CCDC158: variants seen among roughly 807,000 people sequenced by gnomAD.
CCDC158 encodes coiled-coil domain containing 158, also known as coiled-coil domain-containing protein 158.
A neutral mutation model predicts 138.6 loss-of-function variants in CCDC158; 116 were observed. The observed-to-expected ratio is 0.84, with a 90% CI of 0.72 to 0.98. CCDC158 has a LOEUF of 0.98. Among genes scored for constraint, CCDC158 ranks in the 50% least tolerant of loss-of-function variants. The pLI is 0.00. For missense variants in CCDC158, 1,265 were observed against 1,306.1 expected, an observed-to-expected ratio of 0.97 and a Z score of 0.48; for synonymous variants, 436 against 442.4, an observed-to-expected ratio of 0.99 and a Z score of 0.18.
Position 76,384,299 on chromosome 4 carries a change from A to G in CCDC158, c.515T>C (p.Ile172Thr), listed in dbSNP as rs1437378958. ...EDMLKDSNTQIEQLRKMMLSH... is the reference protein window; with the variant it reads ...EDMLKDSNTQTEQLRKMMLSH... ...AAGCATCATTTTTCGTAGTTGCTCT[A>G]TCTGTGTGTTGCTGTCTTTCAGCAT... is the stretch of plus-strand genomic sequence containing the variant. Residue 172 changes from isoleucine (I) to threonine (T), a missense_variant, in exon 6 of 25, where the codon ATA (isoleucine) becomes ACA (threonine). Physicochemically the swap from Ile to Thr is moderately conservative, Grantham distance 89 (BLOSUM62 -1). Coordinates refer to ENST00000682701, the MANE Select transcript of CCDC158 (RefSeq NM_001394954.1). The G allele has an allele frequency of 3.1e-6, 5 of 1,613,966 alleles. No individual in the cohort carries two copies. Among genetic ancestry groups the G allele is most frequent in the East Asian group, 2.2e-5 (1 of 44,882 alleles).
Position 76,367,480 on chromosome 4 carries a change from T to C in CCDC158, c.1644A>G (p.Thr548=). 1.9e-6 allele frequency: 3 copies of C among 1,614,274 alleles called. No homozygotes were observed. The highest frequency in any genetic ancestry group is 2.5e-6 in the Non-Finnish European group (3 of 1,180,050). Reference sequence around the variant, plus strand: ...TCTGCAGTTTGAGGGCCTCACATTCTGTCTGCACATTTCTGAGATGATCCC... The same window carrying C: ...TCTGCAGTTTGAGGGCCTCACATTCCGTCTGCACATTTCTGAGATGATCCC... ...NEGDHLRNVQ[T]ECEALKLQMT... is the part of the protein sequence containing the mutation. The change falls in exon 12 of 25, where the codon ACA becomes ACG. Residue 548 remains threonine, a synonymous_variant. Transcript: ENST00000682701.
chr4:76,343,616 C>T (rs1460029971), intron 18 of CCDC158, among the ~76,000 whole-genome samples: 3 of 152,272 alleles, frequency 2.0e-5, no homozygotes, highest in Non-Finnish European at 2.9e-5. Flanking sequence ...GCCTGGCCAA[C>T]ATGGCAAAAC....
intron 4 of CCDC158, among the ~76,000 whole-genome samples, chr4:76,388,933 A>G (rs1334533499): frequency 6.6e-6 from 1 of 152,104 alleles, no homozygotes; most frequent in Non-Finnish European, 1.5e-5. Flanking sequence ...GTCTGCAAAA[A>G]CCATAGCATT....
At chr4:76,401,582 GT>G in intron 3 of CCDC158, 1 of 164,194 alleles carries the variant, frequency 6.1e-6, no homozygotes, top group Non-Finnish European at 1.3e-5. Flanking sequence ...GTCATCTTTT[GT>G]TTTATTATGA....
intron 1 of CCDC158, among the ~76,000 whole-genome samples, chr4:76,414,924 A>T (rs1463021974): frequency 6.6e-6 from 1 of 152,202 alleles, no homozygotes; most frequent in African/African-American, 2.4e-5. Flanking sequence ...TGCTGAAAAG[A>T]TACCAGAAAA....
intron 1 of CCDC158, among the ~76,000 whole-genome samples, chr4:76,420,121 G>A (rs970904711): frequency 1.3e-5 from 2 of 151,846 alleles, no homozygotes; most frequent in Admixed American, 6.6e-5. Context: ...AAAGCAATGA[G>A]CGCAGTACAG....
At chr4:76,327,305 ATTATT>A (rs1720616893) in intron 22 of CCDC158, among the ~76,000 whole-genome samples, 1 of 152,202 alleles carries the variant, frequency 6.6e-6, no homozygotes, top group Non-Finnish European at 1.5e-5. Context: ...AGAATTTGCA[ATTATT>A]TTATTTAAGA....
rs149033268 is a variant in CCDC158, at chr4:76,399,391, G to A, written c.71-2905C>T. 4.7e-4 allele frequency among the ~76,000 whole-genome samples: 71 copies of A among 152,052 alleles called. 1 individual carries two copies. The highest frequency in any genetic ancestry group is 1.7e-3 in the African/African-American group (71 of 41,470). On this transcript the variant is annotated intron_variant, in intron 3 of 24. Transcript: ENST00000682701. ...ACCTAGGTGATGGGTTGATAGGTGC[G>A]GCAAACCACGATGGCACACATTTAC...
chr4:76,362,086 ACT>A lies in CCDC158; in HGVS notation c.2020+38_2020+39del, dbSNP rs752597379. ...GGTCTACATTGGCTTCACTGCTAAG[ACT>A]CTTATTTTTTAGTAGGATTTGTGCT... On this transcript the variant is annotated intron_variant, in intron 13 of 24. Transcript: ENST00000682701. 8 of 1,573,256 alleles carry A rather than the reference ACT, an allele frequency of 5.1e-6. No homozygotes were observed. The East Asian group carries it at 1.8e-4, about 35-fold the overall frequency.
chr4:76,325,163 C>T (rs908205586), intron 23 of CCDC158, among the ~76,000 whole-genome samples: 1 of 152,100 alleles, frequency 6.6e-6, no homozygotes, highest in Non-Finnish European at 1.5e-5. Flanking sequence ...AATGTACTAA[C>T]ATGTGATTAG....
intron 18 of CCDC158, among the ~76,000 whole-genome samples, chr4:76,340,092 T>C (rs1449423385): frequency 1.3e-5 from 2 of 152,198 alleles, no homozygotes; most frequent in East Asian, 3.9e-4. Context: ...ATATTCAACT[T>C]GCTCAACAAA....
intron 13 of CCDC158, 31 bp downstream of exon 13, chr4:76,362,095 T>C: frequency 6.3e-7 from 1 of 1,597,606 alleles, no homozygotes; most frequent in Admixed American, 1.7e-5. Context: ...GACTCTTATT[T>C]TTTAGTAGGA....
chr4:76,342,874 A>G (rs1722187450), intron 18 of CCDC158, among the ~76,000 whole-genome samples: 1 of 152,206 alleles, frequency 6.6e-6, no homozygotes, highest in Admixed American at 6.5e-5. Context: ...ACGAATTGGA[A>G]GTCTCATGTA....
chr4:76,401,378 A>C (rs1728374054), intron 3 of CCDC158: 1 of 503,388 alleles, frequency 2.0e-6, no homozygotes. Flanking sequence ...GCATGATGAC[A>C]GGAAGCAGAG....
At chr4:76,330,540 G>T (rs1483490203) in intron 21 of CCDC158, among the ~76,000 whole-genome samples, 2 of 152,112 alleles carry the variant, frequency 1.3e-5, no homozygotes, top group African/African-American at 4.8e-5. Context: ...TGGCTAGTCT[G>T]CATCCATGGG....
intron 1 of CCDC158, among the ~76,000 whole-genome samples, chr4:76,415,152 T>C (rs1444209273): frequency 3.3e-5 from 5 of 152,188 alleles, no homozygotes; most frequent in African/African-American, 1.2e-4. Context: ...GTAAGAACTT[T>C]AAGCATAGTA....
intron 1 of CCDC158, among the ~76,000 whole-genome samples, chr4:76,418,616 G>A (rs967758852): frequency 5.0e-4 from 76 of 152,254 alleles, no homozygotes; most frequent in African/African-American, 1.6e-3. Context: ...CTTATGTGGC[G>A]GCAGGCAAGA....
chr4:76,355,947 C>A (rs1170396568), intron 14 of CCDC158, among the ~76,000 whole-genome samples: 1 of 151,868 alleles, frequency 6.6e-6, no homozygotes, highest in African/African-American at 2.4e-5. Flanking sequence ...TTTAAAGGGT[C>A]CAGTGATATC....
In CCDC158 at chr4:76,351,704, T is replaced by C; in HGVS notation, c.2538+16A>G. The stretch of plus-strand genomic sequence containing the variant: ...GGCATTATTTTCGCTTAAACTAATA[T>C]TTATGATGACCTTACTTTTATATCC... On this transcript the variant is annotated intron_variant, in intron 17 of 24. Transcript: ENST00000682701. 1 of 1,542,188 alleles carries C rather than the reference T, an allele frequency of 6.5e-7. No homozygotes were observed. The highest frequency in any genetic ancestry group is 1.1e-5 in the South Asian group (1 of 88,704).
Sources: gnomAD v4.1 joint callset for allele counts (sites outside exome capture counted in the v4.1 genomes callset) on GRCh38, gnomAD v4.1.1 for gene constraint, MANE v1.5 for transcripts, NCBI Gene and HGNC (gene_info 2026-07-23, HGNC 2026-07-21) for gene names.